DTNA: variants seen among roughly 807,000 people sequenced by gnomAD.
DTNA encodes the protein dystrophin-related protein 3.
In DTNA, 43 loss-of-function variants were observed where a neutral mutation model predicts 100.7. The ratio of observed to expected loss-of-function variants is 0.43; its 90% confidence interval spans 0.33 to 0.55. The LOEUF (loss-of-function observed/expected upper bound fraction) is 0.55, where lower values mean the gene tolerates loss of function less well. DTNA is among the 20% of genes least tolerant of loss of function. The pLI is 0.04. For synonymous variants in DTNA, 349 were observed against 347.9 expected, an observed-to-expected ratio of 1.00 and a Z score of -0.04; for missense variants, 798 against 953.9, an observed-to-expected ratio of 0.84 and a Z score of 2.15.
At chr18:34,542,504 C>A (rs773110830) in intron 1 of DTNA, among the ~76,000 whole-genome samples, 1 of 151,770 alleles carries the variant, frequency 6.6e-6, no homozygotes, top group Admixed American at 6.6e-5. Flanking sequence ...ACATAGTAAC[C>A]CACTTCTGAC....
At chr18:34,494,999 A>G (rs2039030762) in intron 1 of DTNA, among the ~76,000 whole-genome samples, 1 of 152,104 alleles carries the variant, frequency 6.6e-6, no homozygotes, top group Admixed American at 6.6e-5. Flanking sequence ...TAATTCTTAG[A>G]CCACCAAGGG....
chr18:34,550,519 A>G (rs1246685007), intron 1 of DTNA, among the ~76,000 whole-genome samples: 1 of 152,170 alleles, frequency 6.6e-6, no homozygotes. Context: ...ATTTTTTAAT[A>G]CATTTTCCAA....
chr18:34,758,194 C>A (rs1290329029), intron 2 of DTNA, among the ~76,000 whole-genome samples: 1 of 152,176 alleles, frequency 6.6e-6, no homozygotes, highest in Non-Finnish European at 1.5e-5. Flanking sequence ...TCAGAGAAGA[C>A]TGACATCAAG....
chr18:34,518,445 TC>T (rs780314973), intron 1 of DTNA, among the ~76,000 whole-genome samples: 33 of 152,144 alleles, frequency 2.2e-4, no homozygotes, highest in Non-Finnish European at 4.0e-4. Flanking sequence ...TTGATAATAA[TC>T]CATTTTTATT....
At chr18:34,608,354 TAA>T (rs1301232173) in intron 1 of DTNA, among the ~76,000 whole-genome samples, 2 of 152,160 alleles carry the variant, frequency 1.3e-5, no homozygotes, top group African/African-American at 2.4e-5. Context: ...GTGCTAAAAA[TAA>T]AAGACATATC....
intron 1 of DTNA, among the ~76,000 whole-genome samples, chr18:34,614,447 T>C (rs1309517146): frequency 1.3e-5 from 2 of 152,178 alleles, no homozygotes; most frequent in Non-Finnish European, 2.9e-5. Context: ...ATTCCTCTGA[T>C]GGATCTGGAC....
chr18:34,494,888 T>TG (rs946447874), intron 1 of DTNA, among the ~76,000 whole-genome samples: 3 of 152,040 alleles, frequency 2.0e-5, no homozygotes, highest in Non-Finnish European at 2.9e-5. Flanking sequence ...TAAAAAATAA[T>TG]GGTTTTTTTT....
intron 1 of DTNA, among the ~76,000 whole-genome samples, chr18:34,544,736 A>C (rs946605796): frequency 4.6e-5 from 7 of 151,502 alleles, no homozygotes; most frequent in African/African-American, 1.7e-4. Context: ...AGCAACTCGC[A>C]GTGTGTGTTT....
chr18:34,868,453 A>G (rs1189532527), intron 17 of DTNA: 3 of 982,636 alleles, frequency 3.1e-6, no homozygotes, highest in Non-Finnish European at 3.6e-6. Context: ...GTAAAACATG[A>G]TCTAAGGAGA....
At chr18:34,736,838 C>T (rs1257033343) in intron 1 of DTNA, among the ~76,000 whole-genome samples, 1 of 152,058 alleles carries the variant, frequency 6.6e-6, no homozygotes, top group Non-Finnish European at 1.5e-5. Flanking sequence ...TTTTGAAAAC[C>T]TAAAAATAGT....
chr18:34,807,476 G>C (rs1439610717), intron 5 of DTNA, among the ~76,000 whole-genome samples: 2 of 152,164 alleles, frequency 1.3e-5, no homozygotes, highest in Admixed American at 6.5e-5. Context: ...CCTGCTGCCT[G>C]TCCTCTTCTG....
At chr18:34,631,783 G>A (rs1046046025) in intron 1 of DTNA, among the ~76,000 whole-genome samples, 2 of 152,168 alleles carry the variant, frequency 1.3e-5, no homozygotes. Flanking sequence ...CCTGAACTGT[G>A]TACCAAGGAC....
Position 34,848,398 on chromosome 18 carries a change from T to A in DTNA, c.1434+15T>A. 6.2e-7 allele frequency: 1 copy of A among 1,613,520 alleles called. No homozygotes were observed. Among genetic ancestry groups the A allele is most frequent in the Non-Finnish European group, 8.5e-7 (1 of 1,179,556 alleles). ...CCTCTTCGTCTGTAAGTAGTTGGAGTAAAAGGATTCGTCTGTTGGCATCTG... is the reference window on the plus strand; with the variant it reads ...CCTCTTCGTCTGTAAGTAGTTGGAGAAAAAGGATTCGTCTGTTGGCATCTG... On this transcript the variant is annotated intron_variant, in intron 14 of 22. Transcript: ENST00000444659.
At chr18:34,761,959 A>G (rs1297408864) in intron 2 of DTNA, among the ~76,000 whole-genome samples, 6 of 152,176 alleles carry the variant, frequency 3.9e-5, no homozygotes, top group Admixed American at 3.9e-4. Flanking sequence ...ATGTAACGAG[A>G]AAATTCTGTA....
chr18:34,608,384 A>G (rs1240012481), intron 1 of DTNA, among the ~76,000 whole-genome samples: 1 of 152,224 alleles, frequency 6.6e-6, no homozygotes, highest in Non-Finnish European at 1.5e-5. Flanking sequence ...CAAATAAACA[A>G]TACTAAATAA....
At chr18:34,545,536 T>C (rs1206504631) in intron 1 of DTNA, among the ~76,000 whole-genome samples, 1 of 152,078 alleles carries the variant, frequency 6.6e-6, no homozygotes, top group African/African-American at 2.4e-5. Flanking sequence ...AATGCATAAC[T>C]TAAAAAATAG....
At chr18:34,575,926 T>C (rs2048071272) in intron 1 of DTNA, among the ~76,000 whole-genome samples, 1 of 152,240 alleles carries the variant, frequency 6.6e-6, no homozygotes, top group Non-Finnish European at 1.5e-5. Flanking sequence ...ATTTCAAGTC[T>C]GGCCTTCAAC....
chr18:34,859,823 G>A (rs2096596502), intron 16 of DTNA, among the ~76,000 whole-genome samples: 1 of 152,184 alleles, frequency 6.6e-6, no homozygotes, highest in Non-Finnish European at 1.5e-5. Context: ...GAAAAGAAAT[G>A]TGGTTTCTCC....
chr18:34,757,725 T>A (rs2092875874), intron 2 of DTNA, among the ~76,000 whole-genome samples: 1 of 152,236 alleles, frequency 6.6e-6, no homozygotes, highest in African/African-American at 2.4e-5. Context: ...AAGTTTTTCT[T>A]CAAGTGACAG....
Sources: gnomAD v4.1 joint callset for allele counts (sites outside exome capture counted in the v4.1 genomes callset) on GRCh38, gnomAD v4.1.1 for gene constraint, MANE v1.5 for transcripts, NCBI Gene and HGNC (gene_info 2026-07-23, HGNC 2026-07-21) for gene names.